TTC13: variants seen among roughly 807,000 people sequenced by gnomAD.
TTC13 encodes tetratricopeptide repeat domain 13.
Under a neutral mutation model 120.0 loss-of-function variants are expected in TTC13, and 62 were observed. The ratio of observed to expected loss-of-function variants is 0.52; its 90% CI spans 0.42 to 0.64. The LOEUF is 0.64. Among genes scored for constraint, TTC13 ranks in the 30% least tolerant of loss-of-function variants. The probability of loss-of-function intolerance (pLI) is 0.00; values close to 1 mark genes in which losing one functional copy is unlikely to be tolerated. For missense variants in TTC13, 824 were observed against 1,050.2 expected, an observed-to-expected ratio of 0.78 and a Z score of 2.98; for synonymous variants, 384 against 393.5, an observed-to-expected ratio of 0.98 and a Z score of 0.28.
intron 4 of TTC13, among the ~76,000 whole-genome samples, chr1:230,946,268 C>T (rs1392829257): frequency 6.6e-6 from 1 of 152,148 alleles, no homozygotes; most frequent in Non-Finnish European, 1.5e-5. Flanking sequence ...GGAAGTCTTG[C>T]ACTGCTAAGG....
intron 12 of TTC13, 150 bp downstream of exon 12, chr1:230,928,787 G>A: frequency 2.8e-6 from 2 of 703,472 alleles, no homozygotes; most frequent in Non-Finnish European, 4.7e-6. Flanking sequence ...GATATTCACA[G>A]GCACAAGGAT....
At chr1:230,917,547 C>T (rs1346475920) in intron 17 of TTC13, among the ~76,000 whole-genome samples, 4 of 152,160 alleles carry the variant, frequency 2.6e-5, no homozygotes, top group Non-Finnish European at 5.9e-5. Context: ...GTATATTCTG[C>T]TGTGTGTGCC....
Position 230,911,477 on chromosome 1 carries a change from C to T in TTC13, c.2302G>A (p.Gly768Arg). Reference sequence around the variant, plus strand: ...TGACAGGATATTACTTACCTGGATCCTCGAGAGAGTGGCATTAAATTATAA... The same window carrying T: ...TGACAGGATATTACTTACCTGGATCTTCGAGAGAGTGGCATTAAATTATAA... ...YFYNLMPLSR[G>R]SSVIAYSVIV... Residue 768 changes from glycine to arginine, a missense_variant, in exon 20 of 23, where the codon GGA becomes AGA. Around this residue, in one of 4 missense-constraint regions of TTC13, gnomAD observed 226 missense variants for 259.1 expected, o/e 0.87. Transcript: ENST00000366661. 3 of 1,593,562 alleles carry T rather than the reference C, an allele frequency of 1.9e-6. No individual in the cohort carries two copies. Among genetic ancestry groups the T allele is most frequent in the Non-Finnish European group, 2.6e-6 (3 of 1,169,836 alleles).
intron 17 of TTC13, 138 bp from the exon 18 acceptor site, chr1:230,916,440 T>C (rs1672038196): frequency 1.5e-6 from 1 of 679,104 alleles, no homozygotes; most frequent in East Asian, 2.7e-5. Flanking sequence ...GATGGTGGCC[T>C]GGTGGCCAAG....
chr1:230,958,261 C>A lies in TTC13; in HGVS notation c.405G>T (p.Pro135=). ...AKSIAEQKRF[P]FATDNDSTNE... is the part of the protein sequence containing the mutation. ...TTGTGCTGTCATTATCAGTGGCAAA[C>A]GGGAATCTCTTCTGTTCTGCAATAG... The change falls in exon 3 of 23, where the codon CCG becomes CCT. Residue 135 remains proline (P), a synonymous_variant. Coordinates refer to ENST00000366661, the MANE Select transcript of TTC13 (RefSeq NM_024525.5). 2 of 1,608,738 alleles carry A rather than the reference C, an allele frequency of 1.2e-6. No homozygotes were observed. Among genetic ancestry groups the A allele is most frequent in the Non-Finnish European group, 1.7e-6 (2 of 1,179,182 alleles).
chr1:230,958,291 G>C lies in TTC13; in HGVS notation c.375C>G (p.Ala125=), dbSNP rs1202727957. ...ATCTCTTCTGTTCTGCAATAGACTT[G>C]GCCTGGCTCTGGGAAAAAAAAAAAA... ...SLNTEKILSQ[A]KSIAEQKRFP... The change falls in exon 3 of 23, where the codon GCC becomes GCG. Residue 125 remains alanine (A), a synonymous_variant. Transcript: ENST00000366661. The C allele has an allele frequency of 3.1e-6, 5 of 1,591,852 alleles. No homozygotes were observed. Among genetic ancestry groups the C allele is most frequent in the Non-Finnish European group, 4.3e-6 (5 of 1,173,766 alleles).
intron 12 of TTC13, 81 bp downstream of exon 12, chr1:230,928,855 AG>A: frequency 6.9e-7 from 1 of 1,446,942 alleles, no homozygotes; most frequent in Middle Eastern, 1.9e-4. Context: ...CCCAAGTAGC[AG>A]GGAGTAGCGT....
intron 1 of TTC13, among the ~76,000 whole-genome samples, chr1:230,972,313 C>T (rs1677848294): frequency 1.3e-5 from 2 of 151,960 alleles, no homozygotes; most frequent in African/African-American, 2.4e-5. Flanking sequence ...AGTTGTTCAG[C>T]TTATGAAAAC....
Position 230,978,596 on chromosome 1 carries a change from C to G in TTC13, c.235G>C (p.Gly79Arg). 1 of 1,393,856 alleles carries G rather than the reference C, an allele frequency of 7.2e-7. No individual in the cohort carries two copies. The highest frequency in any genetic ancestry group is 9.5e-7 in the Non-Finnish European group (1 of 1,052,516). 86.3% of individuals were successfully genotyped at this position (1,393,856 alleles called of 1,614,324 possible). The change falls in exon 1 of 23, where the codon GGG becomes CGG. Residue 79 changes from glycine to arginine, a missense_variant. Transcript: ENST00000366661. This position sits in a 1 kb window ranked among gnomAD's most constrained non-coding sequence, Gnocchi z 5.6. ...AGGGGCSPQS[G>R]DWGDQYSAEC... ...GCAGAGTACTGGTCCCCCCAGTCCCCGGACTGCGGGCTGCAGCCGCCGCCG... is the reference window on the plus strand; with the variant it reads ...GCAGAGTACTGGTCCCCCCAGTCCCGGGACTGCGGGCTGCAGCCGCCGCCG...
intron 17 of TTC13, 32 bp from the exon 18 acceptor site, chr1:230,916,334 G>C (rs377754802): frequency 1.5e-4 from 223 of 1,504,684 alleles, no homozygotes; most frequent in Middle Eastern, 1.7e-4. Flanking sequence ...CACGTTACTA[G>C]TGTTTCATTC....
intron 2 of TTC13, among the ~76,000 whole-genome samples, chr1:230,960,529 C>G (rs946257470): frequency 6.7e-6 from 1 of 149,064 alleles, no homozygotes; most frequent in South Asian, 2.1e-4. Context: ...TTTGCAGTTT[C>G]AATCCATCTT....
intron 13 of TTC13, 90 bp downstream of exon 13, chr1:230,925,427 A>C: frequency 7.1e-7 from 1 of 1,411,208 alleles, no homozygotes; most frequent in Non-Finnish European, 9.9e-7. Context: ...AAGCACAATA[A>C]ATACTAATTT....
At position 230,916,207 on chromosome 1, in the gene TTC13, C is replaced by T. The variant is rs377084328; in HGVS notation, c.2079G>A (p.Thr693=). 3.2e-5 allele frequency: 52 copies of T among 1,613,130 alleles called. No homozygotes were observed. The highest frequency in any genetic ancestry group is 4.2e-5 in the Non-Finnish European group (49 of 1,179,200). ...QGKEYDGFTI[T]ITGDKVGNIL... ...AGCGCACATACTTGTCTCCTGTAAT[C>T]GTGATTGTGAATCCATCATATTCCT... The change falls in exon 18 of 23, where the codon ACG becomes ACA. Residue 693 remains threonine, a synonymous_variant. Coordinates refer to ENST00000366661, the MANE Select transcript of TTC13 (RefSeq NM_024525.5).
At chr1:230,926,370 A>G (rs1489802633) in intron 12 of TTC13, among the ~76,000 whole-genome samples, 8 of 152,176 alleles carry the variant, frequency 5.3e-5, no homozygotes, top group African/African-American at 1.9e-4. Context: ...CCCAGCGATT[A>G]GTTGCGAACA....
rs1371355975 is a variant in TTC13 at position 230,923,832 on chromosome 1, G to T, written c.1814+9C>A. 6.2e-7 allele frequency: 1 copy of T among 1,607,796 alleles called. No homozygotes were observed. Among genetic ancestry groups the T allele is most frequent in the Non-Finnish European group, 8.5e-7 (1 of 1,175,272 alleles). ...AGGAAAAGAAGAAAGATGCACAAAAGGTTCGTACCTGATTAAATTAATGTG... is the reference window on the plus strand; with the variant it reads ...AGGAAAAGAAGAAAGATGCACAAAATGTTCGTACCTGATTAAATTAATGTG... On this transcript the variant is annotated intron_variant, in intron 15 of 22. Coordinates refer to ENST00000366661, the MANE Select transcript of TTC13 (RefSeq NM_024525.5).
chr1:230,929,766 A>C (rs141556076), intron 11 of TTC13, among the ~76,000 whole-genome samples: 40 of 152,304 alleles, frequency 2.6e-4, no homozygotes, highest in Non-Finnish European at 5.3e-4. Flanking sequence ...AATTTCACCA[A>C]CCGACTAATG....
At chr1:230,909,150 G>T in intron 20 of TTC13, 130 bp from the exon 21 acceptor site, 1 of 718,028 alleles carries the variant, frequency 1.4e-6, no homozygotes, top group Non-Finnish European at 2.3e-6. Flanking sequence ...AACACCGAAT[G>T]TTTCATTTAA....
Position 230,920,542 on chromosome 1 carries a change from G to T in TTC13, c.1951C>A (p.His651Asn). The T allele has an allele frequency of 6.2e-7, 1 of 1,607,916 alleles. No homozygotes were observed. Among genetic ancestry groups the T allele is most frequent in the Non-Finnish European group, 8.5e-7 (1 of 1,177,794 alleles). ...LEVREALEKV[H>N]KVEDLLPIMK... is the part of the protein sequence containing the mutation. ...ATCGGAAGAAGGTCTTCTACTTTGT[G>T]TACCTTTTCCAGGGCTTCCCGAACT... Residue 651 changes from histidine to asparagine, a missense_variant, in exon 17 of 23, where the codon CAC becomes AAC. By Grantham distance (68) the His-to-Asn change is moderately conservative. Coordinates refer to ENST00000366661, the MANE Select transcript of TTC13 (RefSeq NM_024525.5).
Position 230,943,929 on chromosome 1 carries a change from T to C in TTC13, c.580-31A>G, listed in dbSNP as rs369946492. The C allele has an allele frequency of 4.2e-5, 64 of 1,524,140 alleles. 1 individual carries two copies. In the Middle Eastern group the frequency reaches 8.7e-4, roughly 21 times the overall value. 94.4% of individuals were successfully genotyped at this position (1,524,140 alleles called of 1,614,324 possible). ...AAAGGCATTAGCTTAGTATGAGACA[T>C]ACTGTTACTCAAAACCAGGCTGAAA... On this transcript the variant is annotated intron_variant, in intron 5 of 22. Coordinates refer to ENST00000366661, the MANE Select transcript of TTC13 (RefSeq NM_024525.5).
Sources: allele counts gnomAD v4.1 joint callset (sites outside exome capture counted in the v4.1 genomes callset), GRCh38; gene constraint gnomAD v4.1.1; regional missense constraint gnomAD v4.1.1; non-coding constraint Gnocchi (gnomAD v3.1); transcripts MANE v1.5; gene names NCBI Gene and HGNC (gene_info 2026-07-23, HGNC 2026-07-21).